ZRANB1: variants seen among roughly 807,000 people sequenced by gnomAD.
The protein encoded by ZRANB1 is zinc finger RANBP2-type containing 1, also known as ubiquitin thioesterase ZRANB1.
A neutral mutation model predicts 80.5 loss-of-function variants in ZRANB1; 16 were observed. The ratio of observed to expected loss-of-function variants is 0.20; its 90% CI spans 0.13 to 0.30. The LOEUF is 0.30. Ranked by LOEUF, ZRANB1 falls within the 10% of genes least tolerant of loss-of-function variation. The pLI, the probability that ZRANB1 is intolerant of heterozygous loss-of-function variation, is 1.00. For synonymous variants in ZRANB1, 291 were observed against 293.1 expected, an observed-to-expected ratio of 0.99 and a Z score of 0.07; for missense variants, 576 against 862.6, an observed-to-expected ratio of 0.67 and a Z score of 4.16.
the ZRANB1 span, among the ~76,000 whole-genome samples, chr10:124,917,717 C>T: frequency 1.3e-5 from 2 of 152,202 alleles, no homozygotes; most frequent in Non-Finnish European, 2.9e-5. Context: ...CGGCCGCTTG[C>T]TTTCCACCTC....
chr10:124,919,382 TA>T, the ZRANB1 span, among the ~76,000 whole-genome samples: 1 of 151,918 alleles, frequency 6.6e-6, no homozygotes, highest in Non-Finnish European at 1.5e-5. Context: ...CCGTCTCTAC[TA>T]AAAATACAAG....
At chr10:124,972,335 G>A (rs1951834345) in intron 3 of ZRANB1, among the ~76,000 whole-genome samples, 1 of 152,196 alleles carries the variant, frequency 6.6e-6, no homozygotes, top group Admixed American at 6.5e-5. Context: ...GCAGTTGATA[G>A]TAACGGATTT....
At chr10:124,960,490 G>A (rs942268884) in intron 1 of ZRANB1, among the ~76,000 whole-genome samples, 8 of 152,152 alleles carry the variant, frequency 5.3e-5, no homozygotes, top group Admixed American at 4.6e-4. Flanking sequence ...GGAGTGCAAT[G>A]GCGTGATCAT....
intron 6 of ZRANB1, among the ~76,000 whole-genome samples, chr10:124,982,260 C>G (rs1019096640): frequency 6.6e-6 from 1 of 152,154 alleles, no homozygotes; most frequent in Non-Finnish European, 1.5e-5. Context: ...TAGGTACTTG[C>G]ATTGCTGTTG....
intron 1 of ZRANB1, among the ~76,000 whole-genome samples, chr10:124,947,459 C>G (rs1275163285): frequency 6.6e-6 from 1 of 152,152 alleles, no homozygotes; most frequent in Non-Finnish European, 1.5e-5. Context: ...AATTGCACTT[C>G]AATTTGTGTA....
intron 1 of ZRANB1, among the ~76,000 whole-genome samples, chr10:124,960,594 A>C (rs1951725195): frequency 6.6e-6 from 1 of 152,116 alleles, no homozygotes; most frequent in Non-Finnish European, 1.5e-5. Context: ...AATTTTAAAA[A>C]ATTTTTGTAA....
In ZRANB1 at chr10:124,985,059, C is replaced by T; in HGVS notation, c.*67C>T. 1 of 1,287,150 alleles carries T rather than the reference C, an allele frequency of 7.8e-7. No individual in the cohort carries two copies. 79.7% of individuals were successfully genotyped at this position (1,287,150 alleles called of 1,614,324 possible). ...TAATGACCCTAAAGTTAGTGTGGTG[C>T]TCCAAGCAGAGTCGACATCATGGAA... On this transcript the variant is annotated 3_prime_UTR_variant, in exon 9 of 9. Transcript: ENST00000359653.
At chr10:124,941,278 A>T (rs1951534523), upstream of ZRANB1, among the ~76,000 whole-genome samples, 1 of 152,118 alleles carries the variant, frequency 6.6e-6, no homozygotes, top group Non-Finnish European at 1.5e-5. Context: ...GTCTTTCTTC[A>T]TTATAGTGTA....
chr10:124,976,495 T>TG (rs969418694), intron 5 of ZRANB1, among the ~76,000 whole-genome samples: 5 of 151,800 alleles, frequency 3.3e-5, no homozygotes. Context: ...GTTTGAACTG[T>TG]GGTAAATCTA....
chr10:124,921,290 A>T, the ZRANB1 span, among the ~76,000 whole-genome samples: 1 of 152,212 alleles, frequency 6.6e-6, no homozygotes, highest in Non-Finnish European at 1.5e-5. Context: ...TTGTATTCTT[A>T]ACCTCAGATG....
chr10:124,922,090 TA>T, the ZRANB1 span, among the ~76,000 whole-genome samples: 6 of 151,736 alleles, frequency 4.0e-5, no homozygotes, highest in African/African-American at 7.3e-5. Flanking sequence ...TATAGGTGTG[TA>T]CCATTGTGCC....
upstream of ZRANB1, among the ~76,000 whole-genome samples, chr10:124,941,407 G>C (rs1951535548): frequency 6.6e-6 from 1 of 152,164 alleles, no homozygotes; most frequent in African/African-American, 2.4e-5. Context: ...AGGCTAGAGT[G>C]CAGTGGTGCG....
chr10:124,923,520 A>G, the ZRANB1 span, among the ~76,000 whole-genome samples: 1 of 151,944 alleles, frequency 6.6e-6, no homozygotes, highest in African/African-American at 2.4e-5. Context: ...TGAACCCAGG[A>G]GGTGGAGGTT....
chr10:124,926,225 A>G, the ZRANB1 span, among the ~76,000 whole-genome samples: 5 of 152,362 alleles, frequency 3.3e-5, no homozygotes, highest in Non-Finnish European at 7.4e-5. Context: ...CTTCATAGAC[A>G]GTGAACACTT....
At chr10:124,970,065 G>C (rs1951809326) in intron 2 of ZRANB1, among the ~76,000 whole-genome samples, 1 of 152,078 alleles carries the variant, frequency 6.6e-6, no homozygotes, top group Non-Finnish European at 1.5e-5. Flanking sequence ...AATTTACTTT[G>C]GGGGAGCCAT....
chr10:124,930,123 A>C, the ZRANB1 span, among the ~76,000 whole-genome samples: 1 of 152,124 alleles, frequency 6.6e-6, no homozygotes, highest in Non-Finnish European at 1.5e-5. Flanking sequence ...CCCTCCACTT[A>C]AAGATAGGTA....
At chr10:124,929,366 GTC>G in the ZRANB1 span, among the ~76,000 whole-genome samples, 21 of 149,678 alleles carry the variant, frequency 1.4e-4, no homozygotes, top group African/African-American at 5.1e-4. Flanking sequence ...TTGTAACGGA[GTC>G]TCTGTTGCCC....
intron 2 of ZRANB1, among the ~76,000 whole-genome samples, chr10:124,968,162 G>C (rs1252457511): frequency 2.6e-5 from 4 of 152,170 alleles, no homozygotes. Context: ...CCCCCAAAGT[G>C]CTGGGATTAT....
chr10:124,966,810 T>G (rs1336840518), intron 2 of ZRANB1, 29 bp downstream of exon 2: 3 of 1,585,952 alleles, frequency 1.9e-6, no homozygotes, highest in Non-Finnish European at 2.6e-6. Context: ...TTAAATGTTC[T>G]TTTATATTAA....
Sources: gnomAD v4.1 joint callset for allele counts (sites outside exome capture counted in the v4.1 genomes callset) on GRCh38, gnomAD v4.1.1 for gene constraint, MANE v1.5 for transcripts, NCBI Gene and HGNC (gene_info 2026-07-23, HGNC 2026-07-21) for gene names.